The following CDK5RAP2 variants were observed in gnomAD, a reference collection of about 807,000 sequenced individuals.
CDK5RAP2 encodes CDK5 regulatory subunit associated protein 2.
In CDK5RAP2, 147 loss-of-function variants were observed where a neutral mutation model predicts 232.9. That is an observed-to-expected ratio of 0.63 (90% CI 0.55 to 0.72). The LOEUF (loss-of-function observed/expected upper bound fraction) is 0.72, where lower values mean the gene tolerates loss of function less well. CDK5RAP2 is among the 30% of genes least tolerant of loss of function. CDK5RAP2 has a pLI of 0.00. For synonymous variants in CDK5RAP2, 833 were observed against 833.7 expected (o/e 1.00, Z 0.01); for missense variants, 2,195 against 2,231.5 (o/e 0.98, Z 0.33).
At chr9:120,410,087 C>T (rs2033751196) in intron 29 of CDK5RAP2, among the ~76,000 whole-genome samples, 1 of 152,130 alleles carries the variant, frequency 6.6e-6, no homozygotes, top group African/African-American at 2.4e-5. Flanking sequence ...TCATGCATCG[C>T]CCTATTTAAT....
chr9:120,503,744 C>T (rs191250311), intron 12 of CDK5RAP2, among the ~76,000 whole-genome samples: 72 of 152,228 alleles, frequency 4.7e-4, no homozygotes, highest in African/African-American at 1.6e-3. Flanking sequence ...AGCACAGAAG[C>T]TAATGCAGAG....
chr9:120,470,086 G>A lies in CDK5RAP2; in HGVS notation c.1968+25C>T, dbSNP rs370753328. The A allele has an allele frequency of 4.5e-6, 5 of 1,116,208 alleles. No homozygotes were observed. In the African/African-American group the frequency reaches 7.7e-5, roughly 17 times the overall value. 69.1% of individuals were successfully genotyped at this position (1,116,208 alleles called of 1,614,324 possible). On this transcript the variant is annotated intron_variant, in intron 17 of 37. Coordinates refer to ENST00000349780, the MANE Select transcript of CDK5RAP2 (RefSeq NM_018249.6). Reference sequence around the variant, plus strand: ...ACAATCTAACAAAAAGAAAAGAAAAGCACTAAAAATTAATAGGTCAATACC... The same window carrying A: ...ACAATCTAACAAAAAGAAAAGAAAAACACTAAAAATTAATAGGTCAATACC...
At chr9:120,430,153 A>G (rs1390833408) in intron 25 of CDK5RAP2, among the ~76,000 whole-genome samples, 1 of 152,152 alleles carries the variant, frequency 6.6e-6, no homozygotes, top group Non-Finnish European at 1.5e-5. Context: ...AAAACCATAA[A>G]AACCCTAGAA....
intron 12 of CDK5RAP2, among the ~76,000 whole-genome samples, chr9:120,505,393 C>G (rs2039764598): frequency 3.3e-5 from 5 of 152,174 alleles, no homozygotes; most frequent in Admixed American, 3.3e-4. Context: ...TCCCTGTCTC[C>G]TTCCCTCTCC....
In CDK5RAP2 at chr9:120,580,147, G is replaced by T; in HGVS notation, c.-169C>A. The T allele has an allele frequency of 1.7e-6, 1 of 586,824 alleles. No homozygotes were observed. The allele number at this position is 586,824 out of a possible 1,614,324, so 36.4% of individuals were successfully genotyped here. A position where few individuals can be genotyped will look rare whatever the true frequency, so the allele number is the denominator to read the frequency against. On this transcript the variant is annotated 5_prime_UTR_variant, in exon 1 of 38. Transcript: ENST00000349780. ...AACCACAGACGCCGCCATCTTTCCC[G>T]GCGCTTCTTCCTACGGAAACGAGGC...
Position 120,421,896 on chromosome 9 carries a change from C to T in CDK5RAP2, c.4004+797G>A, listed in dbSNP as rs114782285. Among the ~76,000 whole-genome samples, 302 of 152,310 alleles carry T rather than the reference C, an allele frequency of 2.0e-3. 2 individuals are homozygous for T. Among genetic ancestry groups the T allele is most frequent in the African/African-American group, 6.8e-3 (284 of 41,558 alleles). ...AAATCCTAGCTCTGCCTTGTAATGG[C>T]AAATATGCAACTCTGACCCACAGCT... On this transcript the variant is annotated intron_variant, in intron 26 of 37. Transcript: ENST00000349780.
chr9:120,545,560 G>A (rs1014851440), intron 5 of CDK5RAP2, among the ~76,000 whole-genome samples, 154 bp downstream of exon 5: 15 of 152,154 alleles, frequency 9.9e-5, no homozygotes, highest in African/African-American at 3.6e-4. Flanking sequence ...TTAAAAGCTT[G>A]TTGAAAAGTA....
At chr9:120,545,898 A>T (rs1478001620) in intron 4 of CDK5RAP2, 108 bp from the exon 5 acceptor site, 1 of 860,964 alleles carries the variant, frequency 1.2e-6, no homozygotes, top group Non-Finnish European at 1.9e-6. Flanking sequence ...GGATGCTTGT[A>T]ATAGGCAGAT....
In CDK5RAP2 at chr9:120,402,422, C is replaced by T. The variant is rs187261341; in HGVS notation, c.5307+384G>A. Among the ~76,000 whole-genome samples, 219 of 152,318 alleles carry T rather than the reference C, an allele frequency of 1.4e-3. 1 individual carries two copies. Among genetic ancestry groups the T allele is most frequent in the African/African-American group, 5.0e-3 (208 of 41,556 alleles). On this transcript the variant is annotated intron_variant, in intron 34 of 37. Coordinates refer to ENST00000349780, the MANE Select transcript of CDK5RAP2 (RefSeq NM_018249.6). ...GGAGCAACAGTTATCATCAAGAGCC[C>T]TAAAAAGTTCACAACCTTTGAACTA...
Position 120,403,083 on chromosome 9 carries a change from G to C in CDK5RAP2, c.5042-12C>G. ...AGGAGTCTCTGAAACTGTAAAATGA[G>C]AAGTAGGATGTAAAATCTGTTTCAG... On this transcript the variant is annotated splice_polypyrimidine_tract_variant and intron_variant, in intron 33 of 37. Transcript: ENST00000349780. This position sits in a 1 kb window ranked among gnomAD's most constrained non-coding sequence, Gnocchi z 4.2. 6.2e-7 allele frequency: 1 copy of C among 1,613,766 alleles called. No individual in the cohort carries two copies. Among genetic ancestry groups the C allele is most frequent in the Non-Finnish European group, 8.5e-7 (1 of 1,179,734 alleles).
chr9:120,530,285 G>A (rs2041092592), intron 7 of CDK5RAP2, 145 bp from the exon 8 acceptor site: 1 of 635,184 alleles, frequency 1.6e-6, no homozygotes, highest in Admixed American at 2.6e-5. Context: ...TTGCAGGTAG[G>A]AGATTAAGCG....
At chr9:120,575,605 ACTTTTGT>A (rs1209622437) in intron 1 of CDK5RAP2, among the ~76,000 whole-genome samples, 4 of 152,020 alleles carry the variant, frequency 2.6e-5, no homozygotes, top group African/African-American at 4.8e-5. Context: ...AAACAAACTC[ACTTTTGT>A]CTTTTAACAA....
At chr9:120,395,543 A>AG (rs1474683801) in intron 35 of CDK5RAP2, among the ~76,000 whole-genome samples, 2 of 152,234 alleles carry the variant, frequency 1.3e-5, no homozygotes, top group African/African-American at 4.8e-5. Context: ...ACCAGCTCCC[A>AG]GGGGGAAGGA....
Position 120,493,880 on chromosome 9 carries a change from T to C in CDK5RAP2, c.1312-2403A>G, listed in dbSNP as rs1034597433. ...ACCGAGGCAGGCAGATCGCTTGAGG[T>C]CAGGAGTTTGAGACCAGCTTGGCCA... On this transcript the variant is annotated intron_variant, in intron 12 of 37. Transcript: ENST00000349780. Among the ~76,000 whole-genome samples the C allele has an allele frequency of 7.9e-5, 12 of 152,062 alleles. 1 individual carries two copies. Among genetic ancestry groups the C allele is most frequent in the Admixed American group, 3.3e-4 (5 of 15,264 alleles).
At chr9:120,576,143 C>T (rs1420836841) in intron 1 of CDK5RAP2, among the ~76,000 whole-genome samples, 1 of 152,212 alleles carries the variant, frequency 6.6e-6, no homozygotes, top group Non-Finnish European at 1.5e-5. Context: ...TTTACCCAAT[C>T]CCCTACTGAT....
At chr9:120,393,529 C>A (rs1038133169) in intron 36 of CDK5RAP2, among the ~76,000 whole-genome samples, 12 of 152,216 alleles carry the variant, frequency 7.9e-5, no homozygotes, top group African/African-American at 2.9e-4. Flanking sequence ...GCTGGCACCT[C>A]CAGAGAAAAA....
intron 3 of CDK5RAP2, among the ~76,000 whole-genome samples, chr9:120,560,133 C>T (rs992959526): frequency 6.6e-6 from 1 of 152,202 alleles, no homozygotes; most frequent in African/African-American, 2.4e-5. Context: ...CAAGAGCTCT[C>T]GGGCCAGCAG....
intron 14 of CDK5RAP2, 89 bp from the exon 15 acceptor site, chr9:120,477,539 GTT>G: frequency 9.5e-7 from 1 of 1,050,694 alleles, no homozygotes; most frequent in Non-Finnish European, 1.5e-6. Context: ...GCTAGTCCCA[GTT>G]TTTAAAATCA....
chr9:120,468,990 C>T (rs773017330), intron 17 of CDK5RAP2, among the ~76,000 whole-genome samples: 7 of 152,276 alleles, frequency 4.6e-5, no homozygotes, highest in Non-Finnish European at 7.4e-5. Context: ...AAGAACAAGA[C>T]ATTCTGATTT....
Sources: allele counts gnomAD v4.1 joint callset (sites outside exome capture counted in the v4.1 genomes callset), GRCh38; gene constraint gnomAD v4.1.1; non-coding constraint Gnocchi (gnomAD v3.1); transcripts MANE v1.5; gene names NCBI Gene and HGNC (gene_info 2026-07-23, HGNC 2026-07-21).